The following RAP1GAP2 variants were observed in gnomAD, a reference collection of about 807,000 sequenced individuals.
The protein encoded by RAP1GAP2 is rap1 GTPase-activating protein 2.
A neutral mutation model predicts 95.0 loss-of-function variants in RAP1GAP2; 27 were observed. The observed-to-expected ratio is 0.28, with a 90% CI of 0.21 to 0.39. The LOEUF is 0.39. RAP1GAP2 is among the 10% of genes least tolerant of loss of function. The pLI, the probability that RAP1GAP2 is intolerant of heterozygous loss-of-function variation, is 1.00. For synonymous variants in RAP1GAP2, 373 were observed against 380.9 expected (o/e 0.98, Z 0.24); for missense variants, 771 against 970.0 (o/e 0.79, Z 2.72).
At chr17:2,850,571 A>AC (rs2071795841) in intron 2 of RAP1GAP2, among the ~76,000 whole-genome samples, 1 of 149,236 alleles carries the variant, frequency 6.7e-6, no homozygotes, top group African/African-American at 2.5e-5. Context: ...ACACGGTGAA[A>AC]CCCCGTCTCT....
chr17:2,853,704 G>A (rs1054209079), intron 2 of RAP1GAP2, among the ~76,000 whole-genome samples: 57 of 146,814 alleles, frequency 3.9e-4, no homozygotes, highest in African/African-American at 1.3e-3. Flanking sequence ...CGTCTGAGCG[G>A]GAGCCGGGAG....
upstream of RAP1GAP2, among the ~76,000 whole-genome samples, chr17:2,773,139 C>T (rs534427326): frequency 6.6e-6 from 1 of 152,028 alleles, no homozygotes; most frequent in African/African-American, 2.4e-5. Context: ...TGCCCAGCCT[C>T]TTTACAAAGA....
chr17:2,800,098 C>G, intron 1 of RAP1GAP2: 3 of 720,254 alleles, frequency 4.2e-6, no homozygotes, highest in Non-Finnish European at 5.1e-6. Flanking sequence ...GGATGTCCAC[C>G]TGGCATTCAG....
intron 1 of RAP1GAP2, among the ~76,000 whole-genome samples, chr17:2,777,654 C>G (rs1257840269): frequency 2.0e-5 from 3 of 152,190 alleles, no homozygotes; most frequent in African/African-American, 7.2e-5. Context: ...CTTGCTTCCT[C>G]TCATTTGTTT....
intron 3 of RAP1GAP2, among the ~76,000 whole-genome samples, chr17:2,950,868 C>T (rs534741703): frequency 6.6e-6 from 1 of 152,308 alleles, no homozygotes; most frequent in South Asian, 2.1e-4. Context: ...ACCTCAGCCT[C>T]CCTAAGTGCT....
chr17:3,014,103 G>A (rs962505111), intron 17 of RAP1GAP2, among the ~76,000 whole-genome samples: 6 of 149,316 alleles, frequency 4.0e-5, no homozygotes, highest in Admixed American at 6.7e-5. Context: ...GACCTGGATG[G>A]TCTAGCCTAG....
In RAP1GAP2 at chr17:3,035,176, C is replaced by A. The variant is rs1473126531; in HGVS notation, c.*1815C>A. 6.6e-6 allele frequency: 1 copy of A among 152,554 alleles called. No homozygotes were observed. The highest frequency in any genetic ancestry group is 6.5e-5 in the Admixed American group (1 of 15,282). The allele number at this position is 152,554 out of a possible 1,614,324, so 9.5% of individuals were successfully genotyped here. The stretch of plus-strand genomic sequence containing the variant: ...AAATTTATTCTTGTTAGAAGGTCAA[C>A]AAAATATCTGTTTAGCTTTTATGAA... On this transcript the variant is annotated 3_prime_UTR_variant, in exon 25 of 25. Coordinates refer to ENST00000254695, the MANE Select transcript of RAP1GAP2 (RefSeq NM_015085.5). This position sits in a 1 kb window ranked among gnomAD's most constrained non-coding sequence, Gnocchi z 4.3.
chr17:2,890,671 A>G (rs945060342), intron 2 of RAP1GAP2, among the ~76,000 whole-genome samples: 5 of 149,746 alleles, frequency 3.3e-5, no homozygotes, highest in Non-Finnish European at 1.5e-5. Context: ...GTCCAATTCA[A>G]TGGTCAGTGT....
At chr17:2,826,723 T>C (rs113228991) in intron 2 of RAP1GAP2, among the ~76,000 whole-genome samples, 5,673 of 152,076 alleles carry the variant, frequency 0.037, 361 homozygotes, top group African/African-American at 0.13. Flanking sequence ...AAGGAGGATT[T>C]CCGGCCGGGC....
At chr17:2,995,676 G>C (rs1291642296) in intron 13 of RAP1GAP2, among the ~76,000 whole-genome samples, 1 of 152,250 alleles carries the variant, frequency 6.6e-6, no homozygotes, top group African/African-American at 2.4e-5. Flanking sequence ...TTCTGGCCGA[G>C]GCCACACCTC....
At chr17:2,854,601 T>C (rs1448126174) in intron 2 of RAP1GAP2, among the ~76,000 whole-genome samples, 5 of 150,570 alleles carry the variant, frequency 3.3e-5, no homozygotes, top group Non-Finnish European at 5.9e-5. Flanking sequence ...CCCACCGCCA[T>C]AGGGTGACTT....
chr17:2,856,674 G>A (rs2072151415), intron 2 of RAP1GAP2, among the ~76,000 whole-genome samples: 1 of 152,166 alleles, frequency 6.6e-6, no homozygotes, highest in Non-Finnish European at 1.5e-5. Context: ...GGAAGGACCC[G>A]GATAGGGACA....
chr17:2,960,123 C>CAAAAAAAAAAAAAAA (rs71153316), intron 4 of RAP1GAP2, among the ~76,000 whole-genome samples: 1 of 81,010 alleles, frequency 1.2e-5, no homozygotes, highest in African/African-American at 5.0e-5. Flanking sequence ...GACTCCATCT[C>CAAAAAAAAAAAAAAA]AAAAAAAAAA....
chr17:2,872,786 G>A (rs1346514992), intron 2 of RAP1GAP2, among the ~76,000 whole-genome samples: 2 of 151,708 alleles, frequency 1.3e-5, no homozygotes, highest in Non-Finnish European at 2.9e-5. Context: ...TGGGCTCAAG[G>A]GATCCTCCTG....
At chr17:2,833,301 C>A (rs1014915757) in intron 2 of RAP1GAP2, among the ~76,000 whole-genome samples, 3 of 151,378 alleles carry the variant, frequency 2.0e-5, no homozygotes, top group African/African-American at 7.3e-5. Flanking sequence ...CACCACCATG[C>A]CTGATTTTTG....
intron 11 of RAP1GAP2, among the ~76,000 whole-genome samples, chr17:2,988,959 T>C (rs2045653600): frequency 6.6e-6 from 1 of 152,068 alleles, no homozygotes; most frequent in Admixed American, 6.6e-5. Context: ...CTCGGGAGGC[T>C]GAGGCAGGAG....
At chr17:2,914,915 C>T (rs756214726) in intron 3 of RAP1GAP2, among the ~76,000 whole-genome samples, 50 of 151,844 alleles carry the variant, frequency 3.3e-4, no homozygotes, top group Non-Finnish European at 6.8e-4. Flanking sequence ...CCTCAGTCCC[C>T]CGAGTAGCTG....
At chr17:2,770,016 T>C (rs1597275348) in intron 1 of RAP1GAP2, among the ~76,000 whole-genome samples, 1 of 138,240 alleles carries the variant, frequency 7.2e-6, no homozygotes, top group African/African-American at 2.8e-5. Context: ...GAGGTTGCAG[T>C]GAGCCAAAAT....
At chr17:2,967,070 T>A (rs2044633616) in intron 8 of RAP1GAP2, among the ~76,000 whole-genome samples, 3 of 152,274 alleles carry the variant, frequency 2.0e-5, no homozygotes, top group Admixed American at 2.0e-4. Flanking sequence ...ATTCTCTTCC[T>A]TAGAAAGCAG....
Sources: gnomAD v4.1 joint callset for allele counts (sites outside exome capture counted in the v4.1 genomes callset) on GRCh38, gnomAD v4.1.1 for gene constraint, Gnocchi (gnomAD v3.1) non-coding constraint, MANE v1.5 for transcripts, NCBI Gene and HGNC (gene_info 2026-07-23, HGNC 2026-07-21) for gene names.